Variants in RCOR1 observed in about 807,000 individuals in gnomAD.
The protein encoded by RCOR1 is REST corepressor.
In RCOR1, 12 loss-of-function variants were observed where a neutral mutation model predicts 64.0. The observed-to-expected ratio is 0.19, with a 90% CI of 0.12 to 0.30. The LOEUF is 0.30. Among genes scored for constraint, RCOR1 ranks in the 10% least tolerant of loss-of-function variants. RCOR1 has a pLI of 1.00. For missense variants in RCOR1, 502 were observed against 621.2 expected (o/e 0.81, Z 2.04); for synonymous variants, 279 against 227.2 (o/e 1.23, Z -2.05).
chr14:102,711,497 C>T (rs1440666961), intron 7 of RCOR1, among the ~76,000 whole-genome samples: 2 of 152,230 alleles, frequency 1.3e-5, no homozygotes, highest in African/African-American at 2.4e-5. Flanking sequence ...GGACCATCCT[C>T]TCTCACATGG....
chr14:102,597,717 T>A (rs925020032), intron 2 of RCOR1, among the ~76,000 whole-genome samples: 3 of 138,946 alleles, frequency 2.2e-5, no homozygotes, highest in Non-Finnish European at 4.6e-5. Context: ...TCACACAGCC[T>A]CTGCCTCCCG....
chr14:102,699,928 TCTC>T (rs1255887884), intron 3 of RCOR1, among the ~76,000 whole-genome samples: 2 of 152,170 alleles, frequency 1.3e-5, no homozygotes, highest in African/African-American at 4.8e-5. Context: ...GGTGGCAGCT[TCTC>T]CTAGAGGTTG....
At position 102,593,187 on chromosome 14, in the gene RCOR1, G is replaced by A. The variant is rs1357530823; in HGVS notation, c.301G>A (p.Gly101Ser). The change falls in exon 1 of 12, where the codon GGT becomes AGT. Residue 101 changes from glycine to serine, a missense_variant and splice_region_variant. Gly to Ser is a moderately conservative substitution (Grantham distance 56, BLOSUM62 0). Around this residue, in one of 2 missense-constraint regions of RCOR1, gnomAD observed 242 missense variants for 204.9 expected, o/e 1.18. Coordinates refer to ENST00000262241, the MANE Select transcript of RCOR1 (RefSeq NM_015156.4). Reference sequence around the variant, plus strand: ...GGGCTCGTCCAGCGACGAGGAGCACGGTAGGTGGCAGCCGCCCCCGCGGCC... The same window carrying A: ...GGGCTCGTCCAGCGACGAGGAGCACAGTAGGTGGCAGCCGCCCCCGCGGCC... ...SSGSSSDEEH[G>S]GGGMRVGPQY... 3 of 1,498,982 alleles carry A rather than the reference G, an allele frequency of 2.0e-6. No individual in the cohort carries two copies. Among genetic ancestry groups the A allele is most frequent in the Admixed American group, 5.1e-5 (2 of 39,586 alleles). 92.9% of individuals were successfully genotyped at this position (1,498,982 alleles called of 1,614,324 possible). A position where few individuals can be genotyped will look rare whatever the true frequency, so the allele number is the denominator to read the frequency against.
intron 2 of RCOR1, among the ~76,000 whole-genome samples, chr14:102,594,649 C>T (rs1893206906): frequency 6.6e-6 from 1 of 150,642 alleles, no homozygotes; most frequent in South Asian, 2.1e-4. Context: ...ATAGTTTCCT[C>T]TTCTCCCCAA....
intron 2 of RCOR1, among the ~76,000 whole-genome samples, chr14:102,629,495 C>CAGTA (rs1294245034): frequency 5.3e-5 from 8 of 150,974 alleles, no homozygotes; most frequent in Non-Finnish European, 7.4e-5. Context: ...ATTTGCCTCT[C>CAGTA]AGTAACAAGT....
chr14:102,661,479 A>G (rs951899196), intron 2 of RCOR1, among the ~76,000 whole-genome samples: 1 of 152,252 alleles, frequency 6.6e-6, no homozygotes, highest in Admixed American at 6.5e-5. Flanking sequence ...CAGTATGTCT[A>G]TTCTCAATGT....
At chr14:102,598,202 C>T (rs1436505141) in intron 2 of RCOR1, among the ~76,000 whole-genome samples, 1 of 152,164 alleles carries the variant, frequency 6.6e-6, no homozygotes, top group African/African-American at 2.4e-5. Flanking sequence ...GTGATCCACT[C>T]ACCTCGGCCT....
At chr14:102,707,569 C>T (rs995295562) in intron 5 of RCOR1, 57 bp downstream of exon 5, 111 of 1,385,488 alleles carry the variant, frequency 8.0e-5, no homozygotes, top group Middle Eastern at 5.6e-4. Context: ...CTCTCTTTTG[C>T]AGCATACTTG....
At chr14:102,631,968 C>T (rs1894121621) in intron 2 of RCOR1, among the ~76,000 whole-genome samples, 1 of 151,776 alleles carries the variant, frequency 6.6e-6, no homozygotes, top group South Asian at 2.1e-4. Context: ...CCACCACGCC[C>T]AGCTAATTTT....
At chr14:102,636,613 T>C (rs1894243385) in intron 2 of RCOR1, among the ~76,000 whole-genome samples, 1 of 152,078 alleles carries the variant, frequency 6.6e-6, no homozygotes, top group Non-Finnish European at 1.5e-5. Flanking sequence ...TGTAGATCAT[T>C]CTTCTTTGAG....
At position 102,729,110 on chromosome 14, in the gene RCOR1, A is replaced by G. The variant is rs1014762836; in HGVS notation, c.*2604A>G. ...CAATGTGAATGTCATAATTATATAT[A>G]TTTTTGTGGAAAATTTTCTCCTAAG... On this transcript the variant is annotated 3_prime_UTR_variant, in exon 12 of 12. Coordinates refer to ENST00000262241, the MANE Select transcript of RCOR1 (RefSeq NM_015156.4). 1 of 152,624 alleles carries G rather than the reference A, an allele frequency of 6.6e-6. No individual in the cohort carries two copies. The highest frequency in any genetic ancestry group is 1.5e-5 in the Non-Finnish European group (1 of 68,042). The allele number at this position is 152,624 out of a possible 1,614,324, so 9.5% of individuals were successfully genotyped here.
At chr14:102,596,937 A>G (rs538029441) in intron 2 of RCOR1, among the ~76,000 whole-genome samples, 3 of 147,446 alleles carry the variant, frequency 2.0e-5, no homozygotes, top group African/African-American at 5.1e-5. Context: ...CAATGGCACA[A>G]TCTTGACTCA....
intron 3 of RCOR1, among the ~76,000 whole-genome samples, chr14:102,696,237 A>C (rs567607054): frequency 2.0e-4 from 30 of 152,182 alleles, no homozygotes; most frequent in African/African-American, 6.5e-4. Flanking sequence ...TCGGCTTGCT[A>C]TTTAATACAG....
Position 102,644,144 on chromosome 14 carries a change from A to G in RCOR1, c.362-37751A>G, listed in dbSNP as rs182818935. ...TGCTGAAGTGGCCTTGGCTGGCCAG[A>G]CAGCTTTCTTCCTGGTGTCTCAGCA... On this transcript the variant is annotated intron_variant, in intron 2 of 11. Coordinates refer to ENST00000262241, the MANE Select transcript of RCOR1 (RefSeq NM_015156.4). Among the ~76,000 whole-genome samples, 643 of 152,334 alleles carry G rather than the reference A, an allele frequency of 4.2e-3. 2 individuals are homozygous for G. The highest frequency in any genetic ancestry group is 4.4e-3 in the Non-Finnish European group (301 of 68,032).
At chr14:102,656,071 T>C in intron 2 of RCOR1, 1 of 985,404 alleles carries the variant, frequency 1.0e-6, no homozygotes, top group South Asian at 4.7e-5. Context: ...TTTCTTGATG[T>C]ACCCATTTAT....
intron 2 of RCOR1, among the ~76,000 whole-genome samples, chr14:102,665,880 A>G (rs1894908205): frequency 6.6e-6 from 1 of 152,238 alleles, no homozygotes; most frequent in African/African-American, 2.4e-5. Flanking sequence ...ATTATATTAG[A>G]TCATACTGGC....
intron 2 of RCOR1, among the ~76,000 whole-genome samples, chr14:102,656,631 C>A (rs1225502081): frequency 1.3e-5 from 2 of 150,890 alleles, no homozygotes; most frequent in Admixed American, 1.3e-4. Flanking sequence ...ATATACCTGG[C>A]TGATTTTTTG....
chr14:102,616,198 A>ATG lies in RCOR1; in HGVS notation c.361+22877_361+22878dup, dbSNP rs1234850253. Among the ~76,000 whole-genome samples the ATG allele has an allele frequency of 4.8e-5, 7 of 144,394 alleles. No homozygotes were observed. The Admixed American group carries it at 5.1e-4, about 11-fold the overall frequency. The allele number at this position is 144,394 out of a possible 152,430, so 94.7% of individuals were successfully genotyped here. ...TTTATCCATTTATTACAAAAGATACATGTGTATATGTGTGTGTGTGTGTGT... is the reference window on the plus strand; with the variant it reads ...TTTATCCATTTATTACAAAAGATACATGTGTGTATATGTGTGTGTGTGTGTGT... On this transcript the variant is annotated intron_variant, in intron 2 of 11. Transcript: ENST00000262241.
chr14:102,723,226 C>G (rs1420566437), intron 11 of RCOR1, among the ~76,000 whole-genome samples: 1 of 152,228 alleles, frequency 6.6e-6, no homozygotes, highest in East Asian at 1.9e-4. Flanking sequence ...AAAGCCTTTT[C>G]AAACCATACT....
Sources: allele counts gnomAD v4.1 joint callset (sites outside exome capture counted in the v4.1 genomes callset), GRCh38; gene constraint gnomAD v4.1.1; regional missense constraint gnomAD v4.1.1; transcripts MANE v1.5; gene names NCBI Gene and HGNC (gene_info 2026-07-23, HGNC 2026-07-21).